Variants in AHCYL2 observed in about 807,000 individuals in gnomAD.
AHCYL2 encodes adenosylhomocysteinase like 2, also known as S-adenosylhomocysteine hydrolase-like protein 2.
Under a neutral mutation model 81.4 loss-of-function variants are expected in AHCYL2, and 28 were observed. The ratio of observed to expected loss-of-function variants is 0.34; its 90% CI spans 0.25 to 0.47. AHCYL2 has a LOEUF of 0.47. AHCYL2 is among the 20% of genes least tolerant of loss of function. The probability of loss-of-function intolerance (pLI) is 1.00; values close to 1 mark genes in which losing one functional copy is unlikely to be tolerated. For synonymous variants in AHCYL2, 272 were observed against 290.2 expected (o/e 0.94, Z 0.64); for missense variants, 551 against 785.1 (o/e 0.70, Z 3.56).
At chr7:129,271,088 C>T (rs1019578529) in intron 1 of AHCYL2, among the ~76,000 whole-genome samples, 21 of 151,866 alleles carry the variant, frequency 1.4e-4, no homozygotes, top group African/African-American at 4.1e-4. Context: ...TTGGGCCGGG[C>T]GTGGTGGCTC....
intron 1 of AHCYL2, among the ~76,000 whole-genome samples, chr7:129,240,809 T>A (rs1794823878): frequency 6.6e-6 from 1 of 152,108 alleles, no homozygotes; most frequent in African/African-American, 2.4e-5. Flanking sequence ...GAGGAACTCA[T>A]ACTGAGTCCT....
At chr7:129,319,807 A>T (rs1797953004) in intron 1 of AHCYL2, among the ~76,000 whole-genome samples, 1 of 152,202 alleles carries the variant, frequency 6.6e-6, no homozygotes. Context: ...TATCAGGTTT[A>T]CTGTTGATGG....
chr7:129,297,549 T>G (rs1797096236), intron 1 of AHCYL2, among the ~76,000 whole-genome samples: 2 of 152,186 alleles, frequency 1.3e-5, no homozygotes, highest in African/African-American at 4.8e-5. Flanking sequence ...TGCTAGAAAT[T>G]TCTACGTAGC....
chr7:129,339,671 A>G (rs1468550646), intron 1 of AHCYL2, among the ~76,000 whole-genome samples: 2 of 151,710 alleles, frequency 1.3e-5, no homozygotes, highest in African/African-American at 4.8e-5. Context: ...AGCTAGGATT[A>G]CAGGTGCATT....
At chr7:129,242,400 C>G (rs901282019) in intron 1 of AHCYL2, among the ~76,000 whole-genome samples, 4 of 151,584 alleles carry the variant, frequency 2.6e-5, no homozygotes, top group African/African-American at 7.3e-5. Flanking sequence ...GAGAGTTTCT[C>G]CAGGATGTAT....
chr7:129,416,536 G>A (rs1045916357), intron 12 of AHCYL2, among the ~76,000 whole-genome samples: 18 of 152,100 alleles, frequency 1.2e-4, no homozygotes, highest in African/African-American at 4.1e-4. Context: ...AGTGGCTCAC[G>A]CCTGTAATCC....
chr7:129,406,469 A>G lies in AHCYL2; in HGVS notation c.1295+3A>G. ...CCCATCTGTGCCCTGCAAGCCTGGT[A>G]AGCCTCTACGCTACCATCTCACTTG... On this transcript the variant is annotated splice_donor_region_variant and intron_variant, in intron 10 of 16. Coordinates refer to ENST00000325006, the MANE Select transcript of AHCYL2 (RefSeq NM_015328.4). The surrounding 1 kb of genome is among the most constrained non-coding windows in gnomAD (Gnocchi z 4.3). 1 of 1,613,780 alleles carries G rather than the reference A, an allele frequency of 6.2e-7. No homozygotes were observed. The highest frequency in any genetic ancestry group is 1.1e-5 in the South Asian group (1 of 91,054).
chr7:129,253,595 A>T (rs1036828249), intron 1 of AHCYL2, among the ~76,000 whole-genome samples: 9 of 152,164 alleles, frequency 5.9e-5, no homozygotes, highest in Admixed American at 5.9e-4. Flanking sequence ...TCCCAGAGTT[A>T]TAAGGTTGTA....
intron 1 of AHCYL2, among the ~76,000 whole-genome samples, chr7:129,356,866 A>G (rs1793750848): frequency 1.3e-5 from 2 of 152,228 alleles, no homozygotes; most frequent in South Asian, 2.1e-4. Context: ...GAAAAGGAGT[A>G]CTGTAAGACT....
chr7:129,311,831 C>A (rs1797668362), intron 1 of AHCYL2, among the ~76,000 whole-genome samples: 1 of 152,182 alleles, frequency 6.6e-6, no homozygotes, highest in Non-Finnish European at 1.5e-5. Flanking sequence ...CTTGTTAAAA[C>A]CTATGTCAGA....
intron 1 of AHCYL2, among the ~76,000 whole-genome samples, chr7:129,262,306 A>G (rs368785500): frequency 6.6e-6 from 1 of 152,244 alleles, no homozygotes; most frequent in African/African-American, 2.4e-5. Flanking sequence ...TACATTTTCA[A>G]TAAGCTATAG....
chr7:129,342,656 T>C (rs529121851), intron 1 of AHCYL2, among the ~76,000 whole-genome samples: 2 of 152,308 alleles, frequency 1.3e-5, no homozygotes, highest in East Asian at 3.9e-4. Flanking sequence ...TGGGAGTTCA[T>C]GTATAAGCAT....
At chr7:129,303,886 A>G (rs1391091286) in intron 1 of AHCYL2, among the ~76,000 whole-genome samples, 1 of 151,976 alleles carries the variant, frequency 6.6e-6, no homozygotes. Context: ...GGAGTTCCAG[A>G]CCAGCCTAGG....
At chr7:129,293,414 G>A (rs1430257365) in intron 1 of AHCYL2, among the ~76,000 whole-genome samples, 2 of 152,040 alleles carry the variant, frequency 1.3e-5, no homozygotes, top group Non-Finnish European at 1.5e-5. Context: ...GATTGATTGT[G>A]ACTAAAACTG....
intron 1 of AHCYL2, among the ~76,000 whole-genome samples, chr7:129,316,347 T>C (rs1797823929): frequency 6.6e-6 from 1 of 152,186 alleles, no homozygotes; most frequent in African/African-American, 2.4e-5. Flanking sequence ...GTGTTAACAT[T>C]GGAAGAAGAG....
chr7:129,287,179 C>G (rs2718088), intron 1 of AHCYL2, among the ~76,000 whole-genome samples: 2 of 151,500 alleles, frequency 1.3e-5, no homozygotes, highest in Non-Finnish European at 2.9e-5. Context: ...GAAAACTCCA[C>G]TGTACACTTA....
intron 1 of AHCYL2, among the ~76,000 whole-genome samples, chr7:129,231,158 T>C (rs992734299): frequency 6.6e-6 from 1 of 151,762 alleles, no homozygotes; most frequent in Non-Finnish European, 1.5e-5. Flanking sequence ...CTTGAATGCT[T>C]GAATGCGGGA....
intron 2 of AHCYL2, among the ~76,000 whole-genome samples, chr7:129,384,413 T>C (rs1051672035): frequency 6.6e-6 from 1 of 151,522 alleles, no homozygotes; most frequent in African/African-American, 2.4e-5. Context: ...TTTACATTGC[T>C]CTATTCCCAG....
chr7:129,339,985 C>G (rs1373380415), intron 1 of AHCYL2, among the ~76,000 whole-genome samples: 1 of 124,522 alleles, frequency 8.0e-6, no homozygotes, highest in Admixed American at 1.1e-4. Flanking sequence ...GTGACGTGAT[C>G]TCGGCTCACT....
Sources: allele counts gnomAD v4.1 joint callset (sites outside exome capture counted in the v4.1 genomes callset), GRCh38; gene constraint gnomAD v4.1.1; non-coding constraint Gnocchi (gnomAD v3.1); transcripts MANE v1.5; gene names NCBI Gene and HGNC (gene_info 2026-07-23, HGNC 2026-07-21).